EXOC6B: variants seen among roughly 807,000 people sequenced by gnomAD.
The protein encoded by EXOC6B is exocyst complex component 6B, also known as SEC15 homolog B.
EXOC6B carries 54 observed loss-of-function variants against 113.5 expected under a neutral mutation model. The observed-to-expected ratio is 0.48, with a 90% confidence interval of 0.38 to 0.60. The LOEUF (loss-of-function observed/expected upper bound fraction) is 0.60, where lower values mean the gene tolerates loss of function less well. Among genes scored for constraint, EXOC6B ranks in the 20% least tolerant of loss-of-function variants. The probability of loss-of-function intolerance (pLI) is 0.00; values close to 1 mark genes in which losing one functional copy is unlikely to be tolerated. For synonymous variants in EXOC6B, 357 were observed against 339.0 expected (o/e 1.05, Z -0.58); for missense variants, 797 against 977.5 (o/e 0.82, Z 2.46).
intron 6 of EXOC6B, 63 bp from the exon 7 acceptor site, chr2:72,575,731 A>C: frequency 7.3e-7 from 1 of 1,372,388 alleles, no homozygotes; most frequent in Non-Finnish European, 9.6e-7. Flanking sequence ...AGAGAAAGAA[A>C]GAAAAAAAGA....
chr2:72,266,749 G>C (rs1281186304), intron 20 of EXOC6B, among the ~76,000 whole-genome samples: 1 of 152,116 alleles, frequency 6.6e-6, no homozygotes, highest in Non-Finnish European at 1.5e-5. Context: ...CTCTTTTTTG[G>C]TTCCATATGA....
intron 20 of EXOC6B, among the ~76,000 whole-genome samples, chr2:72,320,338 A>G (rs923282182): frequency 1.3e-4 from 20 of 151,998 alleles, no homozygotes; most frequent in African/African-American, 4.8e-4. Flanking sequence ...TTTCAAGACA[A>G]TATAAAAGTA....
intron 18 of EXOC6B, chr2:72,464,856 A>C (rs1210072548): frequency 2.3e-5 from 8 of 351,104 alleles, no homozygotes; most frequent in Non-Finnish European, 3.0e-5. Context: ...AATTCTAACT[A>C]AGTTTCTTTT....
chr2:72,580,939 T>C lies in EXOC6B; in HGVS notation c.670-5271A>G, dbSNP rs11901399. Among the ~76,000 whole-genome samples the C allele has an allele frequency of 8.2e-3, 1,256 of 152,328 alleles. 31 individuals are homozygous for C. Among genetic ancestry groups the C allele is most frequent in the African/African-American group, 0.029 (1,219 of 41,576 alleles). ...ACCAGACTGCCCTAGCATTATACCA[T>C]TGTACTGACTCTCCCACCTTCTCTT... is the stretch of plus-strand genomic sequence containing the variant. On this transcript the variant is annotated intron_variant, in intron 6 of 21. Coordinates refer to ENST00000272427, the MANE Select transcript of EXOC6B (RefSeq NM_015189.3).
At chr2:72,334,713 G>A (rs1688589144) in intron 20 of EXOC6B, among the ~76,000 whole-genome samples, 1 of 151,788 alleles carries the variant, frequency 6.6e-6, no homozygotes, top group African/African-American at 2.4e-5. Context: ...TCTACTCTGG[G>A]TCCCTCCTCC....
At position 72,435,583 on chromosome 2, in the gene EXOC6B, G is replaced by A. The variant is rs367769712; in HGVS notation, c.1980+29577C>T. ...TTAAGAACTTGCTTTATGAATCTGGGTGCTCCTGTATTGGGTGAATATATA... is the reference window on the plus strand; with the variant it reads ...TTAAGAACTTGCTTTATGAATCTGGATGCTCCTGTATTGGGTGAATATATA... On this transcript the variant is annotated intron_variant, in intron 18 of 21. Coordinates refer to ENST00000272427, the MANE Select transcript of EXOC6B (RefSeq NM_015189.3). Among the ~76,000 whole-genome samples, 23 of 152,236 alleles carry A rather than the reference G, an allele frequency of 1.5e-4. No individual in the cohort carries two copies. The East Asian group carries it at 2.9e-3, about 19-fold the overall frequency.
At position 72,176,847 on chromosome 2, in the gene EXOC6B, C is replaced by T. The variant is rs1377682723; in HGVS notation, c.*2488G>A. Reference sequence around the variant, plus strand: ...CCTCTTATTGAGGCCCTCCACGGTACTTCTACATCTCTAGGTATTTGAGGC... The same window carrying T: ...CCTCTTATTGAGGCCCTCCACGGTATTTCTACATCTCTAGGTATTTGAGGC... On this transcript the variant is annotated 3_prime_UTR_variant, in exon 22 of 22. Transcript: ENST00000272427. The T allele has an allele frequency of 3.3e-5, 5 of 152,196 alleles. No individual in the cohort carries two copies. Among genetic ancestry groups the T allele is most frequent in the Non-Finnish European group, 7.3e-5 (5 of 68,080 alleles). 9.4% of individuals were successfully genotyped at this position (152,196 alleles called of 1,614,324 possible). A position where few individuals can be genotyped will look rare whatever the true frequency, so the allele number is the denominator to read the frequency against.
At position 72,693,844 on chromosome 2, in the gene EXOC6B, C is replaced by CT. The variant is rs557788710; in HGVS notation, c.669+24258dup. On this transcript the variant is annotated intron_variant, in intron 6 of 21. Coordinates refer to ENST00000272427, the MANE Select transcript of EXOC6B (RefSeq NM_015189.3). ...TTCCACAAACTTTTCTTCCTTTTTT[C>CT]TTTTTTTTTTTCCTTGTGCCACTCA... 5.1e-3 allele frequency among the ~76,000 whole-genome samples: 738 copies of CT among 146,108 alleles called. 8 individuals carry two copies. Among genetic ancestry groups the CT allele is most frequent in the Non-Finnish European group, 6.9e-3 (453 of 65,998 alleles).
chr2:72,336,201 T>G (rs954884584), intron 19 of EXOC6B, among the ~76,000 whole-genome samples: 1 of 152,304 alleles, frequency 6.6e-6, no homozygotes, highest in South Asian at 2.1e-4. Context: ...AGTACTGAAT[T>G]TAAGAAACTA....
rs192612557 is a variant in EXOC6B, at chr2:72,651,046, A to G, written c.669+67057T>C. ...AGACTAGTATCACCCAAGTATTCAT[A>G]GAAAAAGTGAATCAACCAGTCAATA... On this transcript the variant is annotated intron_variant, in intron 6 of 21. Coordinates refer to ENST00000272427, the MANE Select transcript of EXOC6B (RefSeq NM_015189.3). Among the ~76,000 whole-genome samples, 8 of 152,320 alleles carry G rather than the reference A, an allele frequency of 5.3e-5. No homozygotes were observed. The East Asian group carries it at 1.5e-3, about 29-fold the overall frequency.
In EXOC6B at chr2:72,339,988, C is replaced by T. The variant is rs142157687; in HGVS notation, c.2123-4968G>A. Among the ~76,000 whole-genome samples the T allele has an allele frequency of 4.2e-3, 632 of 152,130 alleles. 6 individuals are homozygous for T. The highest frequency in any genetic ancestry group is 0.015 in the African/African-American group (610 of 41,514). ...AATTTTATATTTCTAATAATCTTCA[C>T]ATTATAATGAAGTTACCAGAGGGGA... is the stretch of plus-strand genomic sequence containing the variant. On this transcript the variant is annotated intron_variant, in intron 19 of 21. Coordinates refer to ENST00000272427, the MANE Select transcript of EXOC6B (RefSeq NM_015189.3).
Position 72,324,455 on chromosome 2 carries a change from A to G in EXOC6B, c.2196+10492T>C, listed in dbSNP as rs1038448452. 1.5e-4 allele frequency among the ~76,000 whole-genome samples: 23 copies of G among 152,170 alleles called. 1 individual carries two copies. Among genetic ancestry groups the G allele is most frequent in the African/African-American group, 4.1e-4 (17 of 41,452 alleles). ...GTTGCCTGACTTTCATCTGGATACCATTTCCATGCAGGCAGACTTCTTAAG... is the reference window on the plus strand; with the variant it reads ...GTTGCCTGACTTTCATCTGGATACCGTTTCCATGCAGGCAGACTTCTTAAG... On this transcript the variant is annotated intron_variant, in intron 20 of 21. Transcript: ENST00000272427.
intron 19 of EXOC6B, among the ~76,000 whole-genome samples, chr2:72,359,426 C>T (rs1249428163): frequency 6.6e-6 from 1 of 152,116 alleles, no homozygotes; most frequent in Non-Finnish European, 1.5e-5. Context: ...ATCTTGGAAG[C>T]AGTTTTCAGG....
intron 1 of EXOC6B, among the ~76,000 whole-genome samples, chr2:72,753,247 TAA>T (rs34867991): frequency 0.91 from 133,952 of 147,834 alleles, 60,651 homozygotes; most frequent in East Asian, 0.99. Context: ...TCTCTTGAAT[TAA>T]AAAAAAAAAA....
chr2:72,349,355 G>A (rs1486613374), intron 19 of EXOC6B, among the ~76,000 whole-genome samples: 1 of 152,114 alleles, frequency 6.6e-6, no homozygotes, highest in Non-Finnish European at 1.5e-5. Context: ...TTATGTTAAT[G>A]AGGTAACTGA....
At chr2:72,290,636 A>G (rs866007347) in intron 20 of EXOC6B, among the ~76,000 whole-genome samples, 3 of 152,028 alleles carry the variant, frequency 2.0e-5, no homozygotes, top group Non-Finnish European at 4.4e-5. Context: ...TTAGAGAAAT[A>G]CTTGTACTTA....
chr2:72,466,458 A>C (rs2105425575), intron 17 of EXOC6B, among the ~76,000 whole-genome samples: 1 of 152,240 alleles, frequency 6.6e-6, no homozygotes, highest in East Asian at 1.9e-4. Context: ...GATCTAAGCA[A>C]GATCTTAAAT....
In EXOC6B at chr2:72,257,027, G is replaced by A. The variant is rs369848426; in HGVS notation, c.2197-72840C>T. Among the ~76,000 whole-genome samples the A allele has an allele frequency of 2.6e-5, 4 of 152,102 alleles. No individual in the cohort carries two copies. The East Asian group carries it at 5.8e-4, about 22-fold the overall frequency. ...CCTTTGCTCTGCATAAGCAGTCACT[G>A]TCCCTAGGCTGACTCCCTCATGCCC... On this transcript the variant is annotated intron_variant, in intron 20 of 21. Transcript: ENST00000272427.
chr2:72,182,817 G>C, intron 21 of EXOC6B: 1 of 997,550 alleles, frequency 1.0e-6, no homozygotes, highest in Non-Finnish European at 1.3e-6. Flanking sequence ...TTTTAGTGTA[G>C]TCATTAGTGT....
Sources: allele counts gnomAD v4.1 joint callset (sites outside exome capture counted in the v4.1 genomes callset), GRCh38; gene constraint gnomAD v4.1.1; transcripts MANE v1.5; gene names NCBI Gene and HGNC (gene_info 2026-07-23, HGNC 2026-07-21).